The following SGK3 variants were observed in gnomAD, a reference collection of about 807,000 sequenced individuals.
The protein encoded by SGK3 is serum/glucocorticoid regulated kinase family member 3, also known as serine/threonine-protein kinase Sgk3.
SGK3 carries 47 observed loss-of-function variants against 68.5 expected under a neutral mutation model. The ratio of observed to expected loss-of-function variants is 0.69; its 90% CI spans 0.54 to 0.87. The LOEUF (loss-of-function observed/expected upper bound fraction) is 0.87, where lower values mean the gene tolerates loss of function less well. Among genes scored for constraint, SGK3 ranks in the 40% least tolerant of loss-of-function variants. The probability of loss-of-function intolerance (pLI) is 0.00; values close to 1 mark genes in which losing one functional copy is unlikely to be tolerated. For synonymous variants in SGK3, 181 were observed against 189.1 expected, an observed-to-expected ratio of 0.96 and a Z score of 0.35; for missense variants, 479 against 575.5, an observed-to-expected ratio of 0.83 and a Z score of 1.72.
intron 1 of SGK3, among the ~76,000 whole-genome samples, chr8:66,782,905 A>G (rs941350422): frequency 6.6e-6 from 1 of 152,190 alleles, no homozygotes; most frequent in Non-Finnish European, 1.5e-5. Context: ...GTTGTTTCCA[A>G]GTTTTGGCAA....
chr8:66,828,967 G>GTGTGTGTGTGT (rs1554604088), intron 7 of SGK3, among the ~76,000 whole-genome samples: 12 of 119,576 alleles, frequency 1.0e-4, no homozygotes, highest in South Asian at 2.9e-4. Flanking sequence ...GTGGGTGGGG[G>GTGTGTGTGTGT]GTGTGTGTGT....
chr8:66,786,313 T>C (rs2130545612), intron 1 of SGK3, among the ~76,000 whole-genome samples: 1 of 152,350 alleles, frequency 6.6e-6, no homozygotes, highest in Non-Finnish European at 1.5e-5. Context: ...TCAGACCACC[T>C]GGGTTCAAAT....
At chr8:66,804,577 C>A in intron 4 of SGK3, 130 bp downstream of exon 4, 2 of 919,052 alleles carry the variant, frequency 2.2e-6, no homozygotes, top group Non-Finnish European at 3.2e-6. Context: ...AATAATGCCG[C>A]AGGAAGGTGC....
At chr8:66,830,500 C>G (rs892079176) in intron 7 of SGK3, among the ~76,000 whole-genome samples, 1 of 152,200 alleles carries the variant, frequency 6.6e-6, no homozygotes, top group Non-Finnish European at 1.5e-5. Context: ...TTCCCCTCTT[C>G]CCATACAACT....
chr8:66,723,400 C>T (rs1001544504), intron 1 of SGK3, among the ~76,000 whole-genome samples: 3 of 151,224 alleles, frequency 2.0e-5, no homozygotes, highest in Non-Finnish European at 4.4e-5. Flanking sequence ...GCCAAGATCA[C>T]GCCATTGCAC....
intron 1 of SGK3, among the ~76,000 whole-genome samples, chr8:66,722,255 T>C (rs1308460196): frequency 1.3e-5 from 2 of 152,064 alleles, no homozygotes; most frequent in Non-Finnish European, 2.9e-5. Flanking sequence ...GGAAAAGCTT[T>C]TGTAAGGATG....
intron 1 of SGK3, among the ~76,000 whole-genome samples, chr8:66,787,628 G>T (rs1225350131): frequency 6.6e-6 from 1 of 152,100 alleles, no homozygotes; most frequent in Admixed American, 6.5e-5. Flanking sequence ...TTTGTCATCG[G>T]TCCATTGAGC....
chr8:66,753,966 AATAG>A (rs1248458799), intron 1 of SGK3, among the ~76,000 whole-genome samples: 2 of 152,214 alleles, frequency 1.3e-5, no homozygotes, highest in Non-Finnish European at 2.9e-5. Context: ...CAAGATTGTT[AATAG>A]ACTTTAAATG....
Position 66,779,584 on chromosome 8 carries a change from AT to A in SGK3, c.-121-14031del, listed in dbSNP as rs1563622988. Reference sequence around the variant, plus strand: ...TGAATATATATATATATATATATATATATATATATATATATATAAAACACAT... The same window carrying A: ...TGAATATATATATATATATATATATAATATATATATATATATAAAACACAT... On this transcript the variant is annotated intron_variant, in intron 1 of 16. Transcript: ENST00000521198. Among the ~76,000 whole-genome samples, 24 of 136,778 alleles carry A rather than the reference AT, an allele frequency of 1.8e-4. 1 individual carries two copies. The highest frequency in any genetic ancestry group is 5.7e-4 in the African/African-American group (22 of 38,488). The allele number at this position is 136,778 out of a possible 152,430, so 89.7% of individuals were successfully genotyped here.
intron 6 of SGK3, 126 bp from the exon 7 acceptor site, chr8:66,828,526 CTT>C (rs1809159732): frequency 1.6e-6 from 2 of 1,256,064 alleles, no homozygotes; most frequent in East Asian, 2.4e-5. Context: ...AGAATCAGGA[CTT>C]TGGGTTTCTT....
intron 15 of SGK3, among the ~76,000 whole-genome samples, chr8:66,850,021 G>A (rs559515639): frequency 4.6e-5 from 7 of 152,288 alleles, no homozygotes; most frequent in African/African-American, 1.4e-4. Flanking sequence ...AATGTTTCAT[G>A]TAGACCTGAT....
At chr8:66,856,289 G>A (rs144709051) in intron 16 of SGK3, among the ~76,000 whole-genome samples, 84 of 152,082 alleles carry the variant, frequency 5.5e-4, no homozygotes, top group Non-Finnish European at 1.0e-3. Flanking sequence ...GGATGGTCTC[G>A]ACCTCCTGAC....
chr8:66,743,820 T>C (rs1805550204), intron 1 of SGK3, among the ~76,000 whole-genome samples: 1 of 152,242 alleles, frequency 6.6e-6, no homozygotes, highest in Non-Finnish European at 1.5e-5. Context: ...GAGCTAATTT[T>C]TTTTGTACTT....
At chr8:66,749,522 G>C (rs1805751175) in intron 1 of SGK3, among the ~76,000 whole-genome samples, 1 of 152,114 alleles carries the variant, frequency 6.6e-6, no homozygotes, top group African/African-American at 2.4e-5. Flanking sequence ...ACATCTATTG[G>C]TGAATGTGAG....
chr8:66,803,719 T>C (rs1808044033), intron 3 of SGK3, among the ~76,000 whole-genome samples: 1 of 151,784 alleles, frequency 6.6e-6, no homozygotes. Context: ...TGCAGTGGCA[T>C]AATCATGGCT....
chr8:66,842,541 G>A (rs1377212987), intron 13 of SGK3, among the ~76,000 whole-genome samples: 3 of 152,048 alleles, frequency 2.0e-5, no homozygotes, highest in Admixed American at 6.6e-5. Flanking sequence ...TTTCTTACAT[G>A]TATTTCATAT....
intron 1 of SGK3, among the ~76,000 whole-genome samples, chr8:66,735,925 CAG>C (rs2130381353): frequency 6.6e-6 from 1 of 152,222 alleles, no homozygotes; most frequent in African/African-American, 2.4e-5. Context: ...ATATGAAAAA[CAG>C]AATACTGTCT....
intron 2 of SGK3, among the ~76,000 whole-genome samples, chr8:66,796,336 T>A (rs1807691102): frequency 1.4e-5 from 2 of 137,978 alleles, no homozygotes; most frequent in Admixed American, 7.3e-5. Context: ...TTTTTTTTTT[T>A]TTTTTTTTTT....
chr8:66,821,678 ATTT>A (rs59399048), intron 5 of SGK3, among the ~76,000 whole-genome samples: 2 of 108,586 alleles, frequency 1.8e-5, no homozygotes, highest in Admixed American at 1.1e-4. Context: ...ACGCCCGGCT[ATTT>A]TTTTTTTTTT....
Sources: gnomAD v4.1 joint callset for allele counts (sites outside exome capture counted in the v4.1 genomes callset) on GRCh38, gnomAD v4.1.1 for gene constraint, MANE v1.5 for transcripts, NCBI Gene and HGNC (gene_info 2026-07-23, HGNC 2026-07-21) for gene names.